PLEKHA7: variants seen among roughly 807,000 people sequenced by gnomAD.
PLEKHA7 encodes pleckstrin homology domain containing A7, also known as pleckstrin homology domain-containing family A member 7.
A neutral mutation model predicts 170.0 loss-of-function variants in PLEKHA7; 104 were observed. That is an observed-to-expected ratio of 0.61 (90% CI 0.52 to 0.72). The LOEUF (loss-of-function observed/expected upper bound fraction) is 0.72. Among genes scored for constraint, PLEKHA7 ranks in the 30% least tolerant of loss-of-function variants. The probability of loss-of-function intolerance (pLI) is 0.00; values close to 1 mark genes in which losing one functional copy is unlikely to be tolerated. For missense variants in PLEKHA7, 1,615 were observed against 1,671.7 expected (o/e 0.97, Z 0.59); for synonymous variants, 648 against 660.8 (o/e 0.98, Z 0.30).
At chr11:16,841,249 G>C (rs1263583679) in intron 9 of PLEKHA7, among the ~76,000 whole-genome samples, 1 of 152,136 alleles carries the variant, frequency 6.6e-6, no homozygotes. Context: ...TTTTCAGTTT[G>C]CAAGACCTTT....
chr11:16,938,403 C>T (rs770031415), intron 3 of PLEKHA7, among the ~76,000 whole-genome samples: 18 of 152,120 alleles, frequency 1.2e-4, no homozygotes, highest in Non-Finnish European at 2.4e-4. Context: ...AGTAGCTTTC[C>T]TTGTGCTCAT....
chr11:16,851,650 T>C (rs995154433), intron 7 of PLEKHA7, among the ~76,000 whole-genome samples: 1 of 152,126 alleles, frequency 6.6e-6, no homozygotes, highest in Non-Finnish European at 1.5e-5. Context: ...GGTTTCACCA[T>C]GTTAGCTAGG....
Position 16,968,711 on chromosome 11 carries a change from C to A in PLEKHA7, c.221+45278G>T, listed in dbSNP as rs901333973. 1.2e-4 allele frequency among the ~76,000 whole-genome samples: 18 copies of A among 152,300 alleles called. 1 individual carries two copies. Among genetic ancestry groups the A allele is most frequent in the African/African-American group, 3.8e-4 (16 of 41,566 alleles). ...TGGAGGCCAAAGCCATCCAGTACACCCATGACTCCCCCACCACCAACAGCG... is the reference window on the plus strand; with the variant it reads ...TGGAGGCCAAAGCCATCCAGTACACACATGACTCCCCCACCACCAACAGCG... On this transcript the variant is annotated intron_variant, in intron 3 of 26. Coordinates refer to ENST00000531066, the MANE Select transcript of PLEKHA7 (RefSeq NM_001329630.2).
In PLEKHA7 at chr11:16,794,687, T is replaced by C. The variant is rs760499276; in HGVS notation, c.2546A>G (p.His849Arg). 6.2e-7 allele frequency: 1 copy of C among 1,600,724 alleles called. No individual in the cohort carries two copies. The highest frequency in any genetic ancestry group is 1.1e-5 in the South Asian group (1 of 88,652). The change falls in exon 19 of 27, where the codon CAC becomes CGC. Residue 849 changes from histidine to arginine, a missense_variant. Transcript: ENST00000531066. ...PERKTVPLFP[H>R]PPVPSLSTSE... The stretch of plus-strand genomic sequence containing the variant: ...AGTTGAGAGTGAAGGCACAGGCGGG[T>C]GAGGAAACAAAGGCACCGTTTTTCT...
At chr11:16,914,324 A>G (rs565640195) in intron 3 of PLEKHA7, among the ~76,000 whole-genome samples, 7 of 152,356 alleles carry the variant, frequency 4.6e-5, no homozygotes, top group African/African-American at 1.7e-4. Context: ...GTGGGAAAAA[A>G]AAATCAGTCT....
At chr11:16,825,271 G>A (rs1325899958) in intron 10 of PLEKHA7, among the ~76,000 whole-genome samples, 1 of 152,226 alleles carries the variant, frequency 6.6e-6, no homozygotes, top group Non-Finnish European at 1.5e-5. Flanking sequence ...TCTGGGCCTG[G>A]CCAACAGGGA....
At position 16,816,811 on chromosome 11, in the gene PLEKHA7, G is replaced by A. The variant is rs1473510498; in HGVS notation, c.1855C>T (p.His619Tyr). The change falls in exon 11 of 27, where the codon CAC (histidine) becomes TAC (tyrosine). Residue 619 changes from histidine to tyrosine, a missense_variant. Physicochemically the swap from His to Tyr is moderately conservative, Grantham distance 83 (BLOSUM62 2). Transcript: ENST00000531066. The stretch of plus-strand genomic sequence containing the variant: ...TTCCCGAGCCTCACCTTGACAGCGT[G>A]GCCCCGTGCCCTCCTTGGAGAATCC... ...LGDSPRRARG[H>Y]AVKNSSHVDR... 6.2e-7 allele frequency: 1 copy of A among 1,613,838 alleles called. No individual in the cohort carries two copies. The highest frequency in any genetic ancestry group is 8.5e-7 in the Non-Finnish European group (1 of 1,179,916).
At chr11:16,798,025 C>T (rs1361234983) in intron 17 of PLEKHA7, among the ~76,000 whole-genome samples, 1 of 152,230 alleles carries the variant, frequency 6.6e-6, no homozygotes, top group Non-Finnish European at 1.5e-5. Context: ...TGCCTCCTCC[C>T]ACCACACTGG....
At position 16,799,425 on chromosome 11, in the gene PLEKHA7, G is replaced by A. The variant is rs368978259; in HGVS notation, c.2409+1549C>T. ...GTGATGGGAGGGGCAGAAAGGGAGA[G>A]GGGGAAGAGGAACTTTTATATCATT... On this transcript the variant is annotated intron_variant, in intron 17 of 26. Coordinates refer to ENST00000531066, the MANE Select transcript of PLEKHA7 (RefSeq NM_001329630.2). Among the ~76,000 whole-genome samples the A allele has an allele frequency of 9.9e-4, 151 of 152,322 alleles. 1 individual carries two copies. Among genetic ancestry groups the A allele is most frequent in the African/African-American group, 3.4e-3 (141 of 41,570 alleles).
At chr11:16,957,071 C>A (rs1452837420) in intron 3 of PLEKHA7, among the ~76,000 whole-genome samples, 1 of 152,154 alleles carries the variant, frequency 6.6e-6, no homozygotes, top group African/African-American at 2.4e-5. Flanking sequence ...AGGTAAGCAA[C>A]AGGGAGCCCA....
chr11:16,801,536 G>T, intron 16 of PLEKHA7, 132 bp downstream of exon 16: 1 of 1,138,834 alleles, frequency 8.8e-7, no homozygotes, highest in Non-Finnish European at 1.2e-6. Context: ...TGGCAGTTCT[G>T]CTACTGGAGA....
At chr11:16,932,223 A>G (rs1054431349) in intron 3 of PLEKHA7, among the ~76,000 whole-genome samples, 3 of 152,056 alleles carry the variant, frequency 2.0e-5, no homozygotes, top group Non-Finnish European at 4.4e-5. Context: ...ACAGAATGGT[A>G]TAATAGCATG....
chr11:16,814,611 T>C (rs185304278), intron 12 of PLEKHA7, among the ~76,000 whole-genome samples: 95 of 152,332 alleles, frequency 6.2e-4, no homozygotes, highest in African/African-American at 2.0e-3. Flanking sequence ...GCCTTGGATT[T>C]TGGCTGCAGC....
intron 13 of PLEKHA7, among the ~76,000 whole-genome samples, chr11:16,812,838 T>G (rs891749785): frequency 1.3e-5 from 2 of 152,202 alleles, no homozygotes; most frequent in African/African-American, 4.8e-5. Flanking sequence ...TGGAGGGACC[T>G]TTTTGTTCTG....
intron 3 of PLEKHA7, among the ~76,000 whole-genome samples, chr11:16,944,959 CT>C (rs375481274): frequency 5.9e-5 from 9 of 152,140 alleles, no homozygotes; most frequent in African/African-American, 1.7e-4. Context: ...GAGGAGTTCA[CT>C]TTTTTTTCCC....
At chr11:17,002,309 C>T (rs754337253) in intron 3 of PLEKHA7, among the ~76,000 whole-genome samples, 19 of 151,932 alleles carry the variant, frequency 1.3e-4, no homozygotes, top group African/African-American at 1.7e-4. Flanking sequence ...GAGGCTGAGG[C>T]GGGGGCATTG....
chr11:16,988,133 G>A (rs921578301), intron 3 of PLEKHA7, among the ~76,000 whole-genome samples: 1 of 152,248 alleles, frequency 6.6e-6, no homozygotes, highest in African/African-American at 2.4e-5. Flanking sequence ...GAAGGCAAAT[G>A]TCTTGCCCCA....
intron 9 of PLEKHA7, among the ~76,000 whole-genome samples, chr11:16,834,995 C>T (rs1195028119): frequency 2.0e-5 from 3 of 152,138 alleles, no homozygotes; most frequent in Non-Finnish European, 2.9e-5. Context: ...ACAGGCTAGG[C>T]GCGGTGGCTC....
intron 3 of PLEKHA7, among the ~76,000 whole-genome samples, chr11:16,997,685 G>A (rs1590816326): frequency 6.6e-6 from 1 of 152,232 alleles, no homozygotes; most frequent in Non-Finnish European, 1.5e-5. Context: ...GCAACACCTG[G>A]GGGCTTCTCT....
Sources: gnomAD v4.1 joint callset for allele counts (sites outside exome capture counted in the v4.1 genomes callset) on GRCh38, gnomAD v4.1.1 for gene constraint, MANE v1.5 for transcripts, NCBI Gene and HGNC (gene_info 2026-07-23, HGNC 2026-07-21) for gene names.